The following APTX variants were observed in gnomAD, a reference collection of about 807,000 sequenced individuals.
APTX encodes the protein aprataxin, also known as forkhead-associated domain histidine triad-like protein.
APTX carries 33 observed loss-of-function variants against 42.3 expected under a neutral mutation model. The observed-to-expected ratio is 0.78, with a 90% CI of 0.59 to 1.04. The LOEUF (loss-of-function observed/expected upper bound fraction) is 1.04. Among genes scored for constraint, APTX ranks in the 50% least tolerant of loss-of-function variants. APTX has a pLI of 0.00. For synonymous variants in APTX, 130 were observed against 146.7 expected (o/e 0.89, Z 0.82); for missense variants, 421 against 415.1 (o/e 1.01, Z -0.12).
intron 1 of APTX, among the ~76,000 whole-genome samples, chr9:32,991,068 G>A (rs1234833516): frequency 6.6e-6 from 1 of 151,998 alleles, no homozygotes; most frequent in Non-Finnish European, 1.5e-5. Context: ...CTGGGATTAT[G>A]GGCATGTGTC....
chr9:33,013,786 G>A (rs10971312), intron 1 of APTX, among the ~76,000 whole-genome samples: 10,817 of 152,130 alleles, frequency 0.071, 515 homozygotes, highest in Non-Finnish European at 0.11. Flanking sequence ...CCTGGGCGAC[G>A]GTGCAAGACT....
In APTX at chr9:32,987,779, G is replaced by A; in HGVS notation, c.248C>T (p.Pro83Leu). ...IGKDQEVKLQ[P>L]GQVLHMVNEL... Reference sequence around the variant, plus strand: ...ATTCACCATGTGGAGAACCTGGCCAGGCTGCAGCTTCACCTCTTGGTCCTT... The same window carrying A: ...ATTCACCATGTGGAGAACCTGGCCAAGCTGCAGCTTCACCTCTTGGTCCTT... The change falls in exon 4 of 8, where the codon CCT (proline) becomes CTT (leucine). Residue 83 changes from proline (P) to leucine (L), a missense_variant. Physicochemically the swap from Pro to Leu is moderately conservative, Grantham distance 98 (BLOSUM62 -3). Coordinates refer to ENST00000379817, the MANE Select transcript of APTX (RefSeq NM_001195248.2). 1 of 1,614,146 alleles carries A rather than the reference G, an allele frequency of 6.2e-7. No homozygotes were observed. The highest frequency in any genetic ancestry group is 8.5e-7 in the Non-Finnish European group (1 of 1,180,028).
upstream of APTX, among the ~76,000 whole-genome samples, chr9:33,005,584 G>A (rs374864709): frequency 1.2e-4 from 17 of 147,686 alleles, no homozygotes; most frequent in African/African-American, 4.3e-4. Context: ...CTACAAGCAT[G>A]TCCCACCAAG....
rs115619840 is a variant in APTX at position 32,985,622 on chromosome 9, G to C, written c.543+349C>G. Among the ~76,000 whole-genome samples the C allele has an allele frequency of 5.4e-3, 829 of 152,138 alleles. 6 individuals are homozygous for C. The highest frequency in any genetic ancestry group is 0.015 in the African/African-American group (643 of 41,484). On this transcript the variant is annotated intron_variant, in intron 5 of 7. Transcript: ENST00000379817. ...AAGTGCTGGGATTACAGGGATGTCTGACTGTTAATGCCAGGGCAGCACAGT... is the reference window on the plus strand; with the variant it reads ...AAGTGCTGGGATTACAGGGATGTCTCACTGTTAATGCCAGGGCAGCACAGT...
rs1830868436 is a variant in APTX, at chr9:32,982,349, A to G, written c.770+2282T>C. Reference sequence around the variant, plus strand: ...AATGAAATGTGAGATTGGATTCTGGAGTAGAAAAAGAACAATACAGGAAAA... The same window carrying G: ...AATGAAATGTGAGATTGGATTCTGGGGTAGAAAAAGAACAATACAGGAAAA... On this transcript the variant is annotated intron_variant, in intron 6 of 7. Coordinates refer to ENST00000379817, the MANE Select transcript of APTX (RefSeq NM_001195248.2). 1.3e-5 allele frequency among the ~76,000 whole-genome samples: 2 copies of G among 152,206 alleles called. 1 individual carries two copies. Among genetic ancestry groups the G allele is most frequent in the South Asian group, 4.1e-4 (2 of 4,832 alleles).
chr9:32,997,552 A>AAAGGAGCAGCCTAATTAGGT (rs1835234540), intron 1 of APTX, among the ~76,000 whole-genome samples: 1 of 152,194 alleles, frequency 6.6e-6, no homozygotes, highest in Non-Finnish European at 1.5e-5. Context: ...AATTAGGTGA[A>AAAGGAGCAGCCTAATTAGGT]AAGGAGCAGC....
At position 32,987,859 on chromosome 9, in the gene APTX, C is replaced by T. The variant is rs1832571945; in HGVS notation, c.181-13G>A. 1.2e-6 allele frequency: 2 copies of T among 1,612,298 alleles called. No homozygotes were observed. The highest frequency in any genetic ancestry group is 1.7e-6 in the Non-Finnish European group (2 of 1,179,828). On this transcript the variant is annotated splice_polypyrimidine_tract_variant and intron_variant, in intron 3 of 7. Transcript: ENST00000379817. The stretch of plus-strand genomic sequence containing the variant: ...GATTGACTCCTACCTATGGAATAAA[C>T]AATCAGAAAATAATTATAATAATAG...
chr9:33,011,395 C>T (rs1471566065), intron 1 of APTX, among the ~76,000 whole-genome samples: 1 of 151,604 alleles, frequency 6.6e-6, no homozygotes, highest in Admixed American at 6.6e-5. Context: ...TCAAGGAATT[C>T]TCCTGCCTCA....
intron 1 of APTX, chr9:33,024,865 G>C (rs3758277): frequency 4.3e-5 from 2 of 46,176 alleles, no homozygotes; most frequent in South Asian, 9.7e-4. Flanking sequence ...CGTAAGAGGG[G>C]GGGGGGGGGG....
At chr9:32,982,518 C>T (rs1477964369) in intron 6 of APTX, among the ~76,000 whole-genome samples, 2 of 152,234 alleles carry the variant, frequency 1.3e-5, no homozygotes, top group East Asian at 3.9e-4. Flanking sequence ...GAAAACATTA[C>T]TTTTACAATA....
chr9:32,975,095 G>C (rs1268441103), intron 6 of APTX, among the ~76,000 whole-genome samples: 1 of 152,004 alleles, frequency 6.6e-6, no homozygotes, highest in Admixed American at 6.6e-5. Context: ...CAAGAGCAGG[G>C]GCCCTGAGAT....
intron 1 of APTX, among the ~76,000 whole-genome samples, chr9:33,023,643 C>A (rs1018022784): frequency 6.6e-6 from 1 of 152,086 alleles, no homozygotes; most frequent in Non-Finnish European, 1.5e-5. Context: ...GAAGGCAACA[C>A]CTAAGATTGA....
intron 1 of APTX, among the ~76,000 whole-genome samples, chr9:33,009,476 T>C (rs926030240): frequency 2.0e-5 from 3 of 152,122 alleles, no homozygotes; most frequent in Non-Finnish European, 4.4e-5. Context: ...TCTTGTCCCC[T>C]CCAATCCAAT....
rs1041158751 is a variant in APTX, at chr9:33,012,767, T to C, written c.-5+12256A>G. 7.9e-5 allele frequency among the ~76,000 whole-genome samples: 12 copies of C among 152,206 alleles called. 1 individual carries two copies. Among genetic ancestry groups the C allele is most frequent in the Admixed American group, 2.6e-4 (4 of 15,284 alleles). On this transcript the variant is annotated intron_variant, in intron 1 of 6. Transcript: ENST00000436040. ...GAATTCTGATTAAATAAATGATTGCTACCTTAAGTCACCAATTTTGAGGGC... is the reference window on the plus strand; with the variant it reads ...GAATTCTGATTAAATAAATGATTGCCACCTTAAGTCACCAATTTTGAGGGC...
intron 1 of APTX, among the ~76,000 whole-genome samples, chr9:32,998,429 A>G (rs573253494): frequency 6.6e-6 from 1 of 152,342 alleles, no homozygotes; most frequent in East Asian, 1.9e-4. Flanking sequence ...ATGTATGTTT[A>G]TTGCAGCACT....
chr9:32,986,034 AAAAAAAAACAAAAAAAAAAAC>A lies in APTX; in HGVS notation c.484-25_484-5del, dbSNP rs200922655. On this transcript the variant is annotated splice_polypyrimidine_tract_variant and splice_region_variant and intron_variant, in intron 4 of 7. Coordinates refer to ENST00000379817, the MANE Select transcript of APTX (RefSeq NM_001195248.2). ...GACTCCAGTGGCCCAGGGATTCCTA[AAAAAAAAACAAAAAAAAAAAC>A]AAAAAAAAAAAAAAACAAGCAATGT... The A allele has an allele frequency of 0.28, 355,547 of 1,277,180 alleles. 14,600 individuals are homozygous for A. The highest frequency in any genetic ancestry group is 0.3 in the Non-Finnish European group (280,534 of 948,646). The allele number at this position is 1,277,180 out of a possible 1,614,324, so 79.1% of individuals were successfully genotyped here.
Position 32,973,468 on chromosome 9 carries a change from C to T in APTX, c.*30G>A, listed in dbSNP as rs1828522810. On this transcript the variant is annotated 3_prime_UTR_variant, in exon 8 of 8. Transcript: ENST00000379817. ...GCCAGCAGTTTGCTCCAGTGGGCCA[C>T]ACCACAGCAGCAGCTCAGGCTCTGC... The T allele has an allele frequency of 1.2e-6, 2 of 1,612,648 alleles. No homozygotes were observed. The highest frequency in any genetic ancestry group is 2.2e-5 in the South Asian group (2 of 90,884).
chr9:32,997,956 A>G (rs1441592173), intron 1 of APTX, among the ~76,000 whole-genome samples: 1 of 152,240 alleles, frequency 6.6e-6, no homozygotes, highest in Non-Finnish European at 1.5e-5. Context: ...ATGGGGGAAC[A>G]GGCCTAGAAG....
At chr9:33,001,420 G>T in intron 1 of APTX, 147 bp downstream of exon 1, 3 of 1,541,030 alleles carry the variant, frequency 1.9e-6, no homozygotes, top group Non-Finnish European at 2.6e-6. Context: ...AGTAACAGGG[G>T]AGGACGGAGA....
Sources: gnomAD v4.1 joint callset for allele counts (sites outside exome capture counted in the v4.1 genomes callset) on GRCh38, gnomAD v4.1.1 for gene constraint, MANE v1.5 for transcripts, NCBI Gene and HGNC (gene_info 2026-07-23, HGNC 2026-07-21) for gene names.